The following MKLN1 variants were observed in gnomAD, a reference collection of about 807,000 sequenced individuals.
The protein encoded by MKLN1 is muskelin.
MKLN1 carries 18 observed loss-of-function variants against 99.0 expected under a neutral mutation model. That is an observed-to-expected ratio of 0.18 (90% CI 0.13 to 0.27). The LOEUF (loss-of-function observed/expected upper bound fraction) is 0.27, where lower values mean the gene tolerates loss of function less well. Ranked by LOEUF, MKLN1 falls within the 10% of genes least tolerant of loss-of-function variation. The probability of loss-of-function intolerance (pLI) is 1.00; values close to 1 mark genes in which losing one functional copy is unlikely to be tolerated. For missense variants in MKLN1, 621 were observed against 875.9 expected (o/e 0.71, Z 3.67); for synonymous variants, 288 against 293.2 (o/e 0.98, Z 0.18).
chr7:131,356,223 C>T (rs1263737125), intron 1 of MKLN1, among the ~76,000 whole-genome samples: 1 of 152,062 alleles, frequency 6.6e-6, no homozygotes, highest in Non-Finnish European at 1.5e-5. Context: ...CTTCTCCTCA[C>T]TCCTGAGATC....
intron 1 of MKLN1, among the ~76,000 whole-genome samples, chr7:131,340,593 A>G (rs1391037899): frequency 6.6e-6 from 1 of 152,108 alleles, no homozygotes; most frequent in East Asian, 1.9e-4. Flanking sequence ...GTAATTATGT[A>G]TTAAAATGTA....
chr7:131,359,759 G>T (rs1411396325), intron 1 of MKLN1, among the ~76,000 whole-genome samples: 3 of 150,786 alleles, frequency 2.0e-5, no homozygotes, highest in Non-Finnish European at 4.4e-5. Flanking sequence ...TTTGAGACAG[G>T]GTTTCACTCT....
rs762840453 is a variant in MKLN1 at position 131,399,227 on chromosome 7, C to T, written c.511-14C>T. On this transcript the variant is annotated splice_polypyrimidine_tract_variant and intron_variant, in intron 5 of 17. Coordinates refer to ENST00000352689, the MANE Select transcript of MKLN1 (RefSeq NM_013255.5). The stretch of plus-strand genomic sequence containing the variant: ...CAAATCTCTTCTTTCCATACTTACT[C>T]TGTGTTCTAGTAGTACCGTGAACAG... 8.1e-5 allele frequency: 130 copies of T among 1,609,220 alleles called. No homozygotes were observed. In the Middle Eastern group the frequency reaches 8.2e-4, roughly 10 times the overall value.
intron 2 of MKLN1, among the ~76,000 whole-genome samples, chr7:131,160,492 AATTATT>A (rs60725549): frequency 0.033 from 4,527 of 138,926 alleles, 105 homozygotes; most frequent in African/African-American, 0.052. Context: ...TATTATTATT[AATTATT>A]ATTATTATTA....
At position 131,180,194 on chromosome 7, in the gene MKLN1, A is replaced by T. The variant is rs558794401; in HGVS notation, c.-296-22663A>T. Among the ~76,000 whole-genome samples, 8 of 152,322 alleles carry T rather than the reference A, an allele frequency of 5.3e-5. 1 individual carries two copies. The highest frequency in any genetic ancestry group is 1.9e-4 in the African/African-American group (8 of 41,578). On this transcript the variant is annotated intron_variant, in intron 2 of 7. Transcript: ENST00000416992. ...ATTAATCCTTTTCTGATACTCTTACATGTACATAAATATATTGCTTCTGAA... is the reference window on the plus strand; with the variant it reads ...ATTAATCCTTTTCTGATACTCTTACTTGTACATAAATATATTGCTTCTGAA...
Position 131,320,208 on chromosome 7 carries a change from A to G in MKLN1, c.-178-55216A>G, listed in dbSNP as rs970487766. Among the ~76,000 whole-genome samples, 4 of 152,376 alleles carry G rather than the reference A, an allele frequency of 2.6e-5. No individual in the cohort carries two copies. The South Asian group carries it at 6.2e-4, about 24-fold the overall frequency. On this transcript the variant is annotated intron_variant, in intron 3 of 7. Coordinates refer to the MKLN1 transcript ENST00000416992. ...GCAAGGCTACAGTAACCAAAACAGC[A>G]TGATACTGGTACCAAAACAGATACA...
At chr7:131,375,541 A>T (rs1295182372) in intron 2 of MKLN1, 48 bp downstream of exon 2, 3 of 1,098,874 alleles carry the variant, frequency 2.7e-6, no homozygotes, top group East Asian at 4.7e-5. Flanking sequence ...CACCATTTAA[A>T]TAAACACTCA....
At chr7:131,473,618 G>A (rs1796888512) in intron 16 of MKLN1, among the ~76,000 whole-genome samples, 1 of 152,134 alleles carries the variant, frequency 6.6e-6, no homozygotes. Flanking sequence ...GAAGGAATGA[G>A]AATAAGTTTT....
At chr7:131,224,612 T>C (rs1350109807) in intron 3 of MKLN1, among the ~76,000 whole-genome samples, 1 of 151,442 alleles carries the variant, frequency 6.6e-6, no homozygotes, top group Non-Finnish European at 1.5e-5. Flanking sequence ...CATGGTGGCA[T>C]GTGCCTGTAG....
At chr7:131,384,991 T>G (rs1468528165) in intron 2 of MKLN1, among the ~76,000 whole-genome samples, 1 of 152,200 alleles carries the variant, frequency 6.6e-6, no homozygotes, top group Non-Finnish European at 1.5e-5. Flanking sequence ...TTCCAAAATA[T>G]TTTCATTGTC....
chr7:131,439,702 G>A (rs1180419316), intron 10 of MKLN1, among the ~76,000 whole-genome samples: 1 of 152,024 alleles, frequency 6.6e-6, no homozygotes, highest in Admixed American at 6.6e-5. Flanking sequence ...ATACAAACAT[G>A]CTTAAAAGCT....
intron 3 of MKLN1, among the ~76,000 whole-genome samples, chr7:131,295,163 TC>T (rs1343292771): frequency 8.5e-5 from 13 of 152,290 alleles, no homozygotes; most frequent in African/African-American, 3.1e-4. Flanking sequence ...TAATTTTTGC[TC>T]TTATTTTTAT....
chr7:131,429,267 T>C lies in MKLN1; in HGVS notation c.960+122T>C, dbSNP rs941677173. 7.6e-5 allele frequency: 46 copies of C among 602,516 alleles called. 1 individual carries two copies. In the Admixed American group the frequency reaches 1.5e-3, roughly 19 times the overall value. The allele number at this position is 602,516 out of a possible 1,614,324, so 37.3% of individuals were successfully genotyped here. A position where few individuals can be genotyped will look rare whatever the true frequency, so the allele number is the denominator to read the frequency against. On this transcript the variant is annotated intron_variant, in intron 9 of 17. Transcript: ENST00000352689. ...GCAGTAGTAGCAATAGAATTTGTGG[T>C]AAACAAGTTTTTTTTAAGTACTCTT... is the stretch of plus-strand genomic sequence containing the variant.
intron 3 of MKLN1, among the ~76,000 whole-genome samples, chr7:131,227,487 CTT>C (rs1278409107): frequency 1.2e-3 from 153 of 127,664 alleles, no homozygotes; most frequent in Middle Eastern, 3.8e-3. Context: ...CTCTTTCTCT[CTT>C]TCTTTCTCTT....
chr7:131,220,376 T>C (rs935781444), intron 3 of MKLN1, among the ~76,000 whole-genome samples: 1 of 152,174 alleles, frequency 6.6e-6, no homozygotes, highest in Non-Finnish European at 1.5e-5. Context: ...CTTCTGTATC[T>C]CATTGGGAAG....
chr7:131,375,608 G>A, intron 2 of MKLN1, 115 bp downstream of exon 2: 1 of 643,988 alleles, frequency 1.6e-6, no homozygotes, highest in Non-Finnish European at 2.6e-6. Context: ...GAGATTGTGA[G>A]GTAAATTTTT....
chr7:131,412,402 A>G (rs189521830), intron 7 of MKLN1, among the ~76,000 whole-genome samples: 18 of 152,352 alleles, frequency 1.2e-4, no homozygotes, highest in African/African-American at 4.3e-4. Context: ...GCAGAAGACC[A>G]TTCTAAATCT....
intron 3 of MKLN1, among the ~76,000 whole-genome samples, chr7:131,241,721 C>G (rs1446911768): frequency 1.3e-5 from 2 of 152,226 alleles, no homozygotes; most frequent in Non-Finnish European, 2.9e-5. Context: ...AGTACTTGAA[C>G]ACAATTTTAG....
chr7:131,397,344 A>G lies in MKLN1; in HGVS notation c.478A>G (p.Ile160Val). 2 of 1,612,354 alleles carry G rather than the reference A, an allele frequency of 1.2e-6. No individual in the cohort carries two copies. The highest frequency in any genetic ancestry group is 8.5e-7 in the Non-Finnish European group (1 of 1,178,750). ...ACTTAGTGGCATTGATGATCCTGAT[A>G]TAGTACAACCTTGTCTCAACTGGTA... ...VELSGIDDPD[I>V]VQPCLNWYSK... The change falls in exon 5 of 18, where the codon ATA becomes GTA. Residue 160 changes from isoleucine to valine, a missense_variant. Ile to Val is a conservative substitution (Grantham distance 29). Around this residue, in one of 8 missense-constraint regions of MKLN1, gnomAD observed 361 missense variants for 540.8 expected, o/e 0.67. Transcript: ENST00000352689.
Sources: gnomAD v4.1 joint callset for allele counts (sites outside exome capture counted in the v4.1 genomes callset) on GRCh38, gnomAD v4.1.1 for gene constraint, gnomAD v4.1.1 regional missense constraint, MANE v1.5 for transcripts, NCBI Gene and HGNC (gene_info 2026-07-23, HGNC 2026-07-21) for gene names.